The following GMEB2 variants were observed in gnomAD, a reference collection of about 807,000 sequenced individuals.
The protein encoded by GMEB2 is glucocorticoid modulatory element binding protein 2, also known as glucocorticoid modulatory element-binding protein 2.
Under a neutral mutation model 45.7 loss-of-function variants are expected in GMEB2, and 7 were observed. That is an observed-to-expected ratio of 0.15 (90% CI 0.09 to 0.29). The LOEUF (loss-of-function observed/expected upper bound fraction) is 0.29. Among genes scored for constraint, GMEB2 ranks in the 10% least tolerant of loss-of-function variants. GMEB2 has a pLI of 1.00. For missense variants in GMEB2, 582 were observed against 739.2 expected, an observed-to-expected ratio of 0.79 and a Z score of 2.47; for synonymous variants, 322 against 323.6, an observed-to-expected ratio of 1.00 and a Z score of 0.05.
Position 63,593,738 on chromosome 20 carries a change from G to A in GMEB2, c.620-656C>T, listed in dbSNP as rs913612917. 3.9e-5 allele frequency among the ~76,000 whole-genome samples: 6 copies of A among 152,106 alleles called. No individual in the cohort carries two copies. The highest frequency in any genetic ancestry group is 2.1e-4 in the South Asian group (1 of 4,824). On this transcript the variant is annotated intron_variant, in intron 6 of 9. Transcript: ENST00000370077. This position sits in a 1 kb window ranked among gnomAD's most constrained non-coding sequence, Gnocchi z 4.7. ...CAGATCTGGCTTAAAAAACAAACCC[G>A]GGGCCGGATGTGGTGGCTCACGCCT... is the stretch of plus-strand genomic sequence containing the variant.
intron 9 of GMEB2, 89 bp from the exon 10 acceptor site, chr20:63,590,818 G>T: frequency 1.2e-6 from 1 of 851,990 alleles, no homozygotes; most frequent in Non-Finnish European, 1.7e-6. Flanking sequence ...CACACCATCT[G>T]GGTGGCCCCT....
Position 63,590,027 on chromosome 20 carries a change from C to T in GMEB2, c.*62G>A, listed in dbSNP as rs980259466. On this transcript the variant is annotated 3_prime_UTR_variant, in exon 10 of 10. Coordinates refer to ENST00000370077, the MANE Select transcript of GMEB2 (RefSeq NM_012384.5). Reference sequence around the variant, plus strand: ...CAGCCCTGCGGCCTCTGCCCGCTCCCTGCTGCCGCGGCTGAGAGACAGCCA... The same window carrying T: ...CAGCCCTGCGGCCTCTGCCCGCTCCTTGCTGCCGCGGCTGAGAGACAGCCA... The T allele has an allele frequency of 5.1e-5, 74 of 1,438,860 alleles. 1 individual carries two copies. The South Asian group carries it at 5.3e-4, about 10-fold the overall frequency. The allele number at this position is 1,438,860 out of a possible 1,614,324, so 89.1% of individuals were successfully genotyped here.
intron 3 of GMEB2, 128 bp downstream of exon 3, chr20:63,604,615 C>G: frequency 1.5e-6 from 1 of 673,436 alleles, no homozygotes; most frequent in Non-Finnish European, 2.7e-6. Flanking sequence ...CTCCTAAGGG[C>G]ACACAGCTTG....
At chr20:63,590,870 C>T (rs1325586425) in intron 9 of GMEB2, 141 bp from the exon 10 acceptor site, 2 of 487,864 alleles carry the variant, frequency 4.1e-6, no homozygotes, top group African/African-American at 2.0e-5. Context: ...ATGCCACAAA[C>T]CCAGATGACC....
rs747161032 is a variant in GMEB2 at position 63,595,644 on chromosome 20, G to A, written c.585C>T (p.Ala195=). ...CGGCGGGCGTGAGGGGAATGTACTC[G>A]GCCGACGTGGGGCTGCTCAGGGACA... ...ARVSLSSPTS[A]EYIPLTPAAA... is the part of the protein sequence containing the mutation. Residue 195 remains alanine, a synonymous_variant, in exon 6 of 10, where the codon GCC becomes GCT. Coordinates refer to ENST00000370077, the MANE Select transcript of GMEB2 (RefSeq NM_012384.5). 2.2e-5 allele frequency: 35 copies of A among 1,613,044 alleles called. No individual in the cohort carries two copies. Among genetic ancestry groups the A allele is most frequent in the African/African-American group, 1.2e-4 (9 of 74,922 alleles).
intron 2 of GMEB2, among the ~76,000 whole-genome samples, chr20:63,616,577 G>A (rs1405123526): frequency 2.0e-5 from 3 of 152,272 alleles, no homozygotes; most frequent in African/African-American, 7.2e-5. Flanking sequence ...GCAGAGAGCA[G>A]CAAGGTGCAG....
chr20:63,621,791 T>C (rs1356024178), intron 1 of GMEB2, among the ~76,000 whole-genome samples: 4 of 149,948 alleles, frequency 2.7e-5, no homozygotes, highest in African/African-American at 5.0e-5. Context: ...GGATTAGATA[T>C]AGACTAGAAA....
At chr20:63,606,735 C>G (rs186563926) in intron 2 of GMEB2, among the ~76,000 whole-genome samples, 1 of 152,314 alleles carries the variant, frequency 6.6e-6, no homozygotes, top group African/African-American at 2.4e-5. Context: ...CCTGATATGA[C>G]ATAAAGAGGT....
At chr20:63,603,204 T>A in intron 3 of GMEB2, 112 bp from the exon 4 acceptor site, 1 of 1,252,616 alleles carries the variant, frequency 8.0e-7, no homozygotes, top group Non-Finnish European at 1.1e-6. Flanking sequence ...AACCAAAAAT[T>A]AAAATCCAGG....
chr20:63,590,286 T>C lies in GMEB2; in HGVS notation c.1396A>G (p.Ser466Gly). Residue 466 changes from serine (S) to glycine (G), a missense_variant, in exon 10 of 10, where the codon AGC (serine) becomes GGC (glycine). Coordinates refer to ENST00000370077, the MANE Select transcript of GMEB2 (RefSeq NM_012384.5). ...GGGCTGACCACCTTGAACACCGTGC[T>C]ACCGTCCTGCACGGCGGCCGTGCTC... The part of the protein sequence containing the change: ...VLSTAAVQDG[S>G]TVFKVVSPLQ... 1 of 1,612,654 alleles carries C rather than the reference T, an allele frequency of 6.2e-7. No homozygotes were observed. The highest frequency in any genetic ancestry group is 8.5e-7 in the Non-Finnish European group (1 of 1,179,688).
intron 1 of GMEB2, among the ~76,000 whole-genome samples, chr20:63,623,137 G>C (rs1247838139): frequency 1.3e-5 from 2 of 152,204 alleles, no homozygotes; most frequent in Non-Finnish European, 2.9e-5. Flanking sequence ...TATCGAAAAT[G>C]AGTGATGGAA....
At chr20:63,606,197 T>C (rs957768082) in intron 2 of GMEB2, among the ~76,000 whole-genome samples, 1 of 151,912 alleles carries the variant, frequency 6.6e-6, no homozygotes, top group African/African-American at 2.4e-5. Flanking sequence ...CATAAAAGTA[T>C]TAGAAGGAAA....
At chr20:63,598,226 C>T (rs756469854) in intron 4 of GMEB2, among the ~76,000 whole-genome samples, 1 of 152,186 alleles carries the variant, frequency 6.6e-6, no homozygotes. Flanking sequence ...GCATACGTTA[C>T]ATCGCAGATG....
At chr20:63,621,883 G>C (rs554881136) in intron 1 of GMEB2, among the ~76,000 whole-genome samples, 9 of 151,760 alleles carry the variant, frequency 5.9e-5, no homozygotes, top group Non-Finnish European at 1.3e-4. Flanking sequence ...CAGGACTTTG[G>C]GAGGCCAAGG....
In GMEB2 at chr20:63,590,129, A is replaced by G. The variant is rs1192988521; in HGVS notation, c.1553T>C (p.Ile518Thr). Reference protein sequence around the residue: ...APGPEEHTATIEVAAMAEDHE... With the variant: ...APGPEEHTATTEVAAMAEDHE... Reference sequence around the variant, plus strand: ...GTCCTCTGCCATGGCAGCCACCTCAATGGTGGCCGTGTGCTCCTCAGGCCC... The same window carrying G: ...GTCCTCTGCCATGGCAGCCACCTCAGTGGTGGCCGTGTGCTCCTCAGGCCC... Residue 518 changes from isoleucine (I) to threonine (T), a missense_variant, in exon 10 of 10, where the codon ATT becomes ACT. Coordinates refer to ENST00000370077, the MANE Select transcript of GMEB2 (RefSeq NM_012384.5). The G allele has an allele frequency of 2.6e-6, 4 of 1,536,228 alleles. No individual in the cohort carries two copies. The highest frequency in any genetic ancestry group is 3.5e-6 in the Non-Finnish European group (4 of 1,140,272).
rs1440291922 is a variant in GMEB2 at position 63,588,512 on chromosome 20, G to A, written c.*1577C>T. The A allele has an allele frequency of 5.2e-6, 2 of 384,064 alleles. No individual in the cohort carries two copies. Among genetic ancestry groups the A allele is most frequent in the Non-Finnish European group, 9.2e-6 (2 of 217,228 alleles). The allele number at this position is 384,064 out of a possible 1,614,324, so 23.8% of individuals were successfully genotyped here. On this transcript the variant is annotated 3_prime_UTR_variant, in exon 10 of 10. Transcript: ENST00000370077. ...AACATCACGCCGAAACCAGCTGACT[G>A]TGACAACAGCAAACAAAAATGTAAC...
chr20:63,597,957 G>C, intron 4 of GMEB2, 97 bp from the exon 5 acceptor site: 1 of 757,590 alleles, frequency 1.3e-6, no homozygotes, highest in Non-Finnish European at 2.4e-6. Flanking sequence ...CGCAAGGCAG[G>C]AAAAGCGCCA....
At chr20:63,611,125 G>A (rs1433654143) in intron 2 of GMEB2, among the ~76,000 whole-genome samples, 1 of 152,258 alleles carries the variant, frequency 6.6e-6, no homozygotes, top group Non-Finnish European at 1.5e-5. Context: ...CTGCAAGCAT[G>A]GCTAATTCAG....
rs1258640725 is a variant in GMEB2, at chr20:63,602,868, C to A, written c.357+97G>T. On this transcript the variant is annotated intron_variant, in intron 4 of 9. Coordinates refer to ENST00000370077, the MANE Select transcript of GMEB2 (RefSeq NM_012384.5). The stretch of plus-strand genomic sequence containing the variant: ...CCTTCACTCTCCCCAGCCCTGGAGA[C>A]CCTGCCTCAGGATGCACTCAGCACA... The A allele has an allele frequency of 2.4e-5, 27 of 1,113,066 alleles. 1 individual carries two copies. The East Asian group carries it at 6.4e-4, about 27-fold the overall frequency. The allele number at this position is 1,113,066 out of a possible 1,614,324, so 68.9% of individuals were successfully genotyped here.
Sources: allele counts gnomAD v4.1 joint callset (sites outside exome capture counted in the v4.1 genomes callset), GRCh38; gene constraint gnomAD v4.1.1; non-coding constraint Gnocchi (gnomAD v3.1); transcripts MANE v1.5; gene names NCBI Gene and HGNC (gene_info 2026-07-23, HGNC 2026-07-21).